Variants in GRM8 observed in about 807,000 individuals in gnomAD.
The protein encoded by GRM8 is metabotropic glutamate receptor 8.
In GRM8, 47 loss-of-function variants were observed where a neutral mutation model predicts 87.2. The observed-to-expected ratio is 0.54, with a 90% CI of 0.43 to 0.69. GRM8 has a LOEUF of 0.69. Among genes scored for constraint, GRM8 ranks in the 30% least tolerant of loss-of-function variants. The pLI, the probability that GRM8 is intolerant of heterozygous loss-of-function variation, is 0.00. For missense variants in GRM8, 1,019 were observed against 1,139.2 expected, an observed-to-expected ratio of 0.89 and a Z score of 1.52; for synonymous variants, 396 against 404.5, an observed-to-expected ratio of 0.98 and a Z score of 0.25.
At position 127,015,072 on chromosome 7, in the gene GRM8, A is replaced by AAGGAG. The variant is rs757484218; in HGVS notation, c.727+91423_727+91424insCTCCT. On this transcript the variant is annotated intron_variant, in intron 3 of 10. Coordinates refer to ENST00000339582, the MANE Select transcript of GRM8 (RefSeq NM_000845.3). Reference sequence around the variant, plus strand: ...AAGAAGAAGAAGAAGAAGAAGAAAGAAAGAAGGAGAAGAAGGAGAAGAAGG... The same window carrying AAGGAG: ...AAGAAGAAGAAGAAGAAGAAGAAAGAAGGAGAAGAAGGAGAAGAAGGAGAAGAAGG... Among the ~76,000 whole-genome samples the AAGGAG allele has an allele frequency of 2.9e-3, 299 of 103,722 alleles. 2 individuals carry two copies. The highest frequency in any genetic ancestry group is 5.4e-3 in the South Asian group (15 of 2,774). The allele number at this position is 103,722 out of a possible 152,430, so 68.0% of individuals were successfully genotyped here. A position where few individuals can be genotyped will look rare whatever the true frequency, so the allele number is the denominator to read the frequency against.
At chr7:127,234,751 T>A (rs1797888191) in intron 2 of GRM8, among the ~76,000 whole-genome samples, 1 of 152,158 alleles carries the variant, frequency 6.6e-6, no homozygotes, top group Admixed American at 6.5e-5. Flanking sequence ...CAACAAGCAC[T>A]CTGGGTGATT....
Position 127,106,603 on chromosome 7 carries a change from A to G in GRM8, c.620T>C (p.Val207Ala). Residue 207 changes from valine to alanine, a missense_variant, in exon 3 of 11, where the codon GTG becomes GCG. Physicochemically the swap from Val to Ala is moderately conservative, Grantham distance 64. Coordinates refer to ENST00000339582, the MANE Select transcript of GRM8 (RefSeq NM_000845.3). ...CCATCCCAGTGCTGTCACGATGTCC[A>G]CCATGGCTTGGGCTTGGTAGGAGTC... is the stretch of plus-strand genomic sequence containing the variant. ...PPDSYQAQAM[V>A]DIVTALGWNY... The G allele has an allele frequency of 6.2e-7, 1 of 1,614,096 alleles. No homozygotes were observed. Among genetic ancestry groups the G allele is most frequent in the Non-Finnish European group, 8.5e-7 (1 of 1,179,950 alleles).
chr7:127,189,932 A>T (rs1234775501), intron 2 of GRM8, among the ~76,000 whole-genome samples: 1 of 152,244 alleles, frequency 6.6e-6, no homozygotes, highest in Non-Finnish European at 1.5e-5. Flanking sequence ...CTACTTCCAT[A>T]ATAGTACTGC....
intron 6 of GRM8, among the ~76,000 whole-genome samples, chr7:126,792,425 T>C (rs1375122946): frequency 2.0e-5 from 3 of 152,208 alleles, no homozygotes; most frequent in Non-Finnish European, 4.4e-5. Flanking sequence ...CCTGCTTAAG[T>C]AGAACCTCTT....
At chr7:126,941,629 A>AT (rs1022307569) in intron 3 of GRM8, among the ~76,000 whole-genome samples, 3 of 151,912 alleles carry the variant, frequency 2.0e-5, no homozygotes, top group Non-Finnish European at 4.4e-5. Flanking sequence ...CAAAAAAAAA[A>AT]AAAAGAAAGA....
chr7:127,248,829 A>T (rs915218638), intron 1 of GRM8, among the ~76,000 whole-genome samples: 1 of 152,212 alleles, frequency 6.6e-6, no homozygotes, highest in Non-Finnish European at 1.5e-5. Context: ...GGTCCAAAAA[A>T]AGTCAACCCT....
chr7:126,571,935 T>C (rs1279976873), intron 8 of GRM8, among the ~76,000 whole-genome samples: 1 of 151,728 alleles, frequency 6.6e-6, no homozygotes, highest in East Asian at 1.9e-4. Context: ...ACAGATGGGG[T>C]TTCACCATGT....
chr7:126,924,059 C>A (rs1804826943), intron 3 of GRM8, among the ~76,000 whole-genome samples: 1 of 152,130 alleles, frequency 6.6e-6, no homozygotes, highest in Admixed American at 6.5e-5. Context: ...TCTTTTCCAA[C>A]AGCAAATGGG....
At chr7:126,690,173 G>A (rs1808646883) in intron 7 of GRM8, among the ~76,000 whole-genome samples, 1 of 152,182 alleles carries the variant, frequency 6.6e-6, no homozygotes, top group South Asian at 2.1e-4. Context: ...TGGCGCCTTT[G>A]CCTGAGTTTT....
chr7:126,683,993 T>C (rs374670688), intron 7 of GRM8, among the ~76,000 whole-genome samples: 1 of 152,210 alleles, frequency 6.6e-6, no homozygotes, highest in African/African-American at 2.4e-5. Flanking sequence ...AGGGATCATG[T>C]TGAATTTTTT....
intron 9 of GRM8, among the ~76,000 whole-genome samples, chr7:126,480,323 G>A (rs535389527): frequency 2.6e-5 from 4 of 152,126 alleles, no homozygotes; most frequent in Non-Finnish European, 4.4e-5. Flanking sequence ...GGCAGAGGTT[G>A]AGGTGAACTG....
chr7:126,832,645 C>G (rs575444418), intron 6 of GRM8, among the ~76,000 whole-genome samples: 3 of 152,158 alleles, frequency 2.0e-5, no homozygotes. Flanking sequence ...ACTACTGTTA[C>G]AAAAAGGGAT....
intron 7 of GRM8, among the ~76,000 whole-genome samples, chr7:126,751,935 T>C (rs1816468355): frequency 6.6e-6 from 1 of 152,142 alleles, no homozygotes; most frequent in Non-Finnish European, 1.5e-5. Flanking sequence ...TCATTATCAC[T>C]GGTCCTTTAG....
intron 3 of GRM8, among the ~76,000 whole-genome samples, chr7:126,963,781 T>A (rs1456147958): frequency 6.6e-6 from 1 of 152,126 alleles, no homozygotes; most frequent in Non-Finnish European, 1.5e-5. Flanking sequence ...CATTAAGCTA[T>A]CATTGACTTT....
intron 8 of GRM8, among the ~76,000 whole-genome samples, chr7:126,555,728 G>A (rs1165974174): frequency 2.0e-5 from 3 of 152,152 alleles, no homozygotes; most frequent in Non-Finnish European, 2.9e-5. Context: ...GTTTAGCTCA[G>A]TTTTCTATTC....
intron 6 of GRM8, among the ~76,000 whole-genome samples, chr7:126,858,010 C>A (rs1179450466): frequency 2.0e-5 from 3 of 152,050 alleles, no homozygotes; most frequent in Non-Finnish European, 4.4e-5. Flanking sequence ...GAGGAAGAAA[C>A]AATTTTCCAC....
chr7:126,871,277 T>G (rs1270056394), intron 6 of GRM8, among the ~76,000 whole-genome samples: 1 of 152,226 alleles, frequency 6.6e-6, no homozygotes, highest in East Asian at 1.9e-4. Flanking sequence ...AGATATTTTC[T>G]TATTATACTC....
At chr7:126,922,442 C>A (rs939604122) in intron 3 of GRM8, among the ~76,000 whole-genome samples, 1 of 151,868 alleles carries the variant, frequency 6.6e-6, no homozygotes, top group African/African-American at 2.4e-5. Context: ...CAAGAAATAG[C>A]AACATGAAAA....
chr7:126,643,248 G>GCC (rs1802602796), intron 7 of GRM8, among the ~76,000 whole-genome samples: 1 of 132,386 alleles, frequency 7.6e-6, no homozygotes, highest in Non-Finnish European at 1.5e-5. Flanking sequence ...CTGAGATTGT[G>GCC]CCACTGTACT....
Sources: gnomAD v4.1 joint callset for allele counts (sites outside exome capture counted in the v4.1 genomes callset) on GRCh38, gnomAD v4.1.1 for gene constraint, MANE v1.5 for transcripts, NCBI Gene and HGNC (gene_info 2026-07-23, HGNC 2026-07-21) for gene names.